The following CERKL variants were observed in gnomAD, a reference collection of about 807,000 sequenced individuals.
CERKL encodes ceramide kinase-like protein.
CERKL carries 61 observed loss-of-function variants against 63.4 expected under a neutral mutation model. That is an observed-to-expected ratio of 0.96 (90% CI 0.78 to 1.19). The LOEUF is 1.19. CERKL is among the 50% of genes most tolerant of loss of function. CERKL has a pLI of 0.00. For missense variants in CERKL, 675 were observed against 655.5 expected, an observed-to-expected ratio of 1.03 and a Z score of -0.33; for synonymous variants, 250 against 230.5, an observed-to-expected ratio of 1.08 and a Z score of -0.77.
At chr2:181,575,694 C>A (rs1400170160) in intron 2 of CERKL, among the ~76,000 whole-genome samples, 1 of 152,104 alleles carries the variant, frequency 6.6e-6, no homozygotes, top group Non-Finnish European at 1.5e-5. Context: ...GCTGCCTGAG[C>A]AAATAAATGG....
chr2:181,594,173 A>T (rs1290968605), intron 2 of CERKL, among the ~76,000 whole-genome samples: 1 of 152,200 alleles, frequency 6.6e-6, no homozygotes, highest in East Asian at 1.9e-4. Flanking sequence ...GAAATAAAAA[A>T]TAAAATTTAT....
intron 2 of CERKL, among the ~76,000 whole-genome samples, chr2:181,576,369 C>T (rs1289040147): frequency 1.3e-5 from 2 of 152,112 alleles, no homozygotes; most frequent in Non-Finnish European, 2.9e-5. Flanking sequence ...ACAAAGGGCA[C>T]ACTTTTAATG....
chr2:181,597,309 T>C (rs1685260119), intron 2 of CERKL, among the ~76,000 whole-genome samples: 1 of 152,238 alleles, frequency 6.6e-6, no homozygotes, highest in Non-Finnish European at 1.5e-5. Flanking sequence ...TAACAATCCT[T>C]TAAAGACTTA....
chr2:181,580,087 C>A (rs1315174265), intron 2 of CERKL, among the ~76,000 whole-genome samples: 2 of 151,848 alleles, frequency 1.3e-5, no homozygotes, highest in South Asian at 4.1e-4. Flanking sequence ...GTTTGTCTAG[C>A]TTAAAAACAT....
At chr2:181,606,320 A>T in intron 1 of CERKL, among the ~76,000 whole-genome samples, 1 of 69,126 alleles carries the variant, frequency 1.4e-5, no homozygotes, top group African/African-American at 6.6e-5. Flanking sequence ...AAGGAGGGGA[A>T]AGGTTGGGAG....
At chr2:181,599,028 T>C (rs1252621736) in intron 2 of CERKL, among the ~76,000 whole-genome samples, 1 of 152,134 alleles carries the variant, frequency 6.6e-6, no homozygotes, top group Non-Finnish European at 1.5e-5. Context: ...TCTATAGCAA[T>C]GGATCCTAAC....
rs1685557336 is a variant in CERKL at position 181,603,828 on chromosome 2, A to C, written c.481+9T>G. 6.2e-7 allele frequency: 1 copy of C among 1,612,858 alleles called. No homozygotes were observed. The highest frequency in any genetic ancestry group is 8.5e-7 in the Non-Finnish European group (1 of 1,179,266). ...GGGCTGATTAAAATTTCCCATGAGG[A>C]GTACTTACCTGCCAATATTTTCTTG... On this transcript the variant is annotated intron_variant, in intron 2 of 12. Coordinates refer to ENST00000410087, the MANE Select transcript of CERKL (RefSeq NM_201548.5).
At position 181,536,715 on chromosome 2, in the gene CERKL, A is replaced by ATGAGGTTCTATT. The variant is rs1553510691; in HGVS notation, c.*1457_*1468dup. 4.2e-6 allele frequency: 1 copy of ATGAGGTTCTATT among 237,264 alleles called. No individual in the cohort carries two copies. Among genetic ancestry groups the ATGAGGTTCTATT allele is most frequent in the Admixed American group, 5.2e-5 (1 of 19,398 alleles). The allele number at this position is 237,264 out of a possible 1,614,324, so 14.7% of individuals were successfully genotyped here. Reference sequence around the variant, plus strand: ...TATTTTTATAGTTTGTTCATACTATATGAGGTTCTATTTTAAATGACTTTC... The same window carrying ATGAGGTTCTATT: ...TATTTTTATAGTTTGTTCATACTATATGAGGTTCTATTTGAGGTTCTATTTTAAATGACTTTC... On this transcript the variant is annotated 3_prime_UTR_variant, in exon 13 of 13. Transcript: ENST00000410087.
chr2:181,615,527 G>A (rs143692676), intron 1 of CERKL, among the ~76,000 whole-genome samples: 46 of 152,324 alleles, frequency 3.0e-4, no homozygotes, highest in African/African-American at 1.0e-3. Flanking sequence ...AATACTGCCT[G>A]AAAAACAGGC....
At chr2:181,633,734 A>G (rs1282598722) in intron 1 of CERKL, among the ~76,000 whole-genome samples, 1 of 152,188 alleles carries the variant, frequency 6.6e-6, no homozygotes, top group African/African-American at 2.4e-5. Context: ...AAAAGAAGGG[A>G]TCCTAACTAC....
At position 181,657,094 on chromosome 2, in the gene CERKL, G is replaced by C; in HGVS notation, c.-88C>G. 1 of 1,237,972 alleles carries C rather than the reference G, an allele frequency of 8.1e-7. No homozygotes were observed. The highest frequency in any genetic ancestry group is 1.2e-6 in the Non-Finnish European group (1 of 867,924). The allele number at this position is 1,237,972 out of a possible 1,614,324, so 76.7% of individuals were successfully genotyped here. A position where few individuals can be genotyped will look rare whatever the true frequency, so the allele number is the denominator to read the frequency against. On this transcript the variant is annotated 5_prime_UTR_variant, in exon 1 of 13. Coordinates refer to ENST00000410087, the MANE Select transcript of CERKL (RefSeq NM_201548.5). ...GGGCGCGGCAGCCCCAGCTCTAGCC[G>C]CGTCCAGCGCTGCCACAGCAACGGC... is the stretch of plus-strand genomic sequence containing the variant.
intron 12 of CERKL, among the ~76,000 whole-genome samples, chr2:181,538,795 A>C (rs1687339977): frequency 6.6e-6 from 1 of 152,192 alleles, no homozygotes; most frequent in Non-Finnish European, 1.5e-5. Context: ...CATTTTTAAA[A>C]ATCCAAAATG....
chr2:181,543,925 A>G (rs1331105049), intron 11 of CERKL, among the ~76,000 whole-genome samples: 1 of 148,672 alleles, frequency 6.7e-6, no homozygotes, highest in Admixed American at 6.9e-5. Flanking sequence ...TGGAGGTTGC[A>G]GTGAGCAGAC....
At chr2:181,551,181 G>C (rs964806038) in intron 5 of CERKL, among the ~76,000 whole-genome samples, 5 of 152,130 alleles carry the variant, frequency 3.3e-5, no homozygotes, top group African/African-American at 1.2e-4. Flanking sequence ...TTGTAGGCAT[G>C]ATCTTATTTA....
chr2:181,649,086 T>A lies in CERKL; in HGVS notation c.238+7683A>T, dbSNP rs369383685. Reference sequence around the variant, plus strand: ...TTCTTATCAATAAAAACCTTGAATGTAAATAAATTATCTAATGAAAAGATA... The same window carrying A: ...TTCTTATCAATAAAAACCTTGAATGAAAATAAATTATCTAATGAAAAGATA... On this transcript the variant is annotated intron_variant, in intron 1 of 12. Transcript: ENST00000410087. Among the ~76,000 whole-genome samples, 39 of 152,192 alleles carry A rather than the reference T, an allele frequency of 2.6e-4. No homozygotes were observed. In the East Asian group the frequency reaches 7.4e-3, roughly 29 times the overall value.
intron 2 of CERKL, among the ~76,000 whole-genome samples, chr2:181,592,675 G>A (rs1028230945): frequency 6.6e-6 from 1 of 152,146 alleles, no homozygotes; most frequent in Non-Finnish European, 1.5e-5. Context: ...GGAGAGCATG[G>A]TGGGTTAAGA....
intron 1 of CERKL, among the ~76,000 whole-genome samples, chr2:181,619,452 C>T (rs1271510729): frequency 6.6e-6 from 1 of 152,062 alleles, no homozygotes; most frequent in Non-Finnish European, 1.5e-5. Context: ...TTGGCCCTTT[C>T]TCCAGCTTCT....
At chr2:181,569,998 G>T (rs774678634) in intron 3 of CERKL, among the ~76,000 whole-genome samples, 1 of 152,038 alleles carries the variant, frequency 6.6e-6, no homozygotes, top group Non-Finnish European at 1.5e-5. Context: ...TAGTGACCTT[G>T]GGCTGAATAT....
intron 3 of CERKL, among the ~76,000 whole-genome samples, chr2:181,572,013 G>A: frequency 6.6e-6 from 1 of 152,074 alleles, no homozygotes; most frequent in Non-Finnish European, 1.5e-5. Flanking sequence ...TAAGATTTCA[G>A]ATAATGTAAA....
Sources: gnomAD v4.1 joint callset for allele counts (sites outside exome capture counted in the v4.1 genomes callset) on GRCh38, gnomAD v4.1.1 for gene constraint, MANE v1.5 for transcripts, NCBI Gene and HGNC (gene_info 2026-07-23, HGNC 2026-07-21) for gene names.